KLF12: variants seen among roughly 807,000 people sequenced by gnomAD.
The protein encoded by KLF12 is KLF transcription factor 12, also known as Krueppel-like factor 12.
In KLF12, 9 loss-of-function variants were observed where a neutral mutation model predicts 37.8. The ratio of observed to expected loss-of-function variants is 0.24; its 90% CI spans 0.14 to 0.42. The LOEUF is 0.42. KLF12 is among the 10% of genes least tolerant of loss of function. The pLI, the probability that KLF12 is intolerant of heterozygous loss-of-function variation, is 1.00. For missense variants in KLF12, 411 were observed against 516.0 expected (o/e 0.80, Z 1.97); for synonymous variants, 208 against 202.1 (o/e 1.03, Z -0.25).
At chr13:74,099,933 A>T (rs1184596) in intron 1 of KLF12, among the ~76,000 whole-genome samples, 32 of 152,110 alleles carry the variant, frequency 2.1e-4, no homozygotes, top group African/African-American at 7.5e-4. Flanking sequence ...ACCATAAAAC[A>T]TTCCTGTATT....
intron 1 of KLF12, among the ~76,000 whole-genome samples, chr13:74,024,482 C>A (rs1198486982): frequency 2.6e-5 from 4 of 152,174 alleles, no homozygotes; most frequent in African/African-American, 9.7e-5. Flanking sequence ...ACACTAAGAG[C>A]CCTTAACAGT....
the KLF12 span, among the ~76,000 whole-genome samples, chr13:74,215,297 T>C: frequency 2.0e-5 from 3 of 152,066 alleles, no homozygotes; most frequent in Non-Finnish European, 4.4e-5. Context: ...CTATTAACTT[T>C]TTAATTTTAG....
intron 1 of KLF12, among the ~76,000 whole-genome samples, chr13:74,129,266 ATTG>A (rs1387106597): frequency 1.7e-4 from 26 of 152,144 alleles, no homozygotes; most frequent in African/African-American, 6.3e-4. Flanking sequence ...TATCATTTTT[ATTG>A]TTGTATTTTT....
At chr13:74,275,867 TATCTTTCTTTC>T in the KLF12 span, among the ~76,000 whole-genome samples, 283 of 79,272 alleles carry the variant, frequency 3.6e-3, 1 homozygote, top group Non-Finnish European at 4.4e-3. Flanking sequence ...TCTTTCTTTC[TATCTTTCTTTC>T]TTCTTTCTTT....
chr13:74,282,058 T>C, the KLF12 span, among the ~76,000 whole-genome samples: 1 of 152,188 alleles, frequency 6.6e-6, no homozygotes, highest in African/African-American at 2.4e-5. Flanking sequence ...GTCAGTCAAT[T>C]ACCGGAGGAG....
the KLF12 span, among the ~76,000 whole-genome samples, chr13:74,278,811 C>T: frequency 9.9e-4 from 150 of 152,244 alleles, 1 homozygote; most frequent in African/African-American, 3.3e-3. Context: ...AGTTTCAGGC[C>T]TCAGCCAAAA....
intron 4 of KLF12, among the ~76,000 whole-genome samples, chr13:73,817,493 G>GAACTAC (rs1262974412): frequency 6.6e-6 from 1 of 152,158 alleles, no homozygotes; most frequent in Non-Finnish European, 1.5e-5. Context: ...TGATGGAGAT[G>GAACTAC]AACTACAACT....
intron 1 of KLF12, among the ~76,000 whole-genome samples, chr13:74,021,955 CAT>C (rs1892851429): frequency 6.6e-6 from 1 of 152,118 alleles, no homozygotes; most frequent in Non-Finnish European, 1.5e-5. Flanking sequence ...GGTCTCAAAA[CAT>C]AGTGATGGTC....
rs200502809 is a variant in KLF12 at position 73,932,612 on chromosome 13, T to TA, written c.123+11368dup. On this transcript the variant is annotated intron_variant, in intron 3 of 7. Coordinates refer to ENST00000377669, the MANE Select transcript of KLF12 (RefSeq NM_007249.5). The stretch of plus-strand genomic sequence containing the variant: ...TCAATCTATTGATTTCAAAAATTGA[T>TA]AGACACACAGTGAAATAGAATTTTG... Among the ~76,000 whole-genome samples, 501 of 152,304 alleles carry TA rather than the reference T, an allele frequency of 3.3e-3. 3 individuals are homozygous for TA. The highest frequency in any genetic ancestry group is 0.011 in the African/African-American group (468 of 41,570).
the KLF12 span, among the ~76,000 whole-genome samples, chr13:74,146,576 C>T: frequency 6.6e-6 from 1 of 152,052 alleles, no homozygotes; most frequent in African/African-American, 2.4e-5. Context: ...AATATGTTTT[C>T]TTTTAAAAAA....
intron 1 of KLF12, among the ~76,000 whole-genome samples, chr13:74,100,492 C>T (rs1876268106): frequency 6.6e-6 from 1 of 152,066 alleles, no homozygotes; most frequent in African/African-American, 2.4e-5. Context: ...GTGGCAGGCG[C>T]CTGTAATCCC....
intron 6 of KLF12, among the ~76,000 whole-genome samples, chr13:73,745,823 G>A (rs148371059): frequency 1.9e-3 from 287 of 152,268 alleles, no homozygotes; most frequent in African/African-American, 6.1e-3. Context: ...TTGAAAGCAT[G>A]CAAGTCAAGG....
chr13:74,060,417 A>G, intron 1 of KLF12, among the ~76,000 whole-genome samples: 1 of 148,694 alleles, frequency 6.7e-6, no homozygotes, highest in Non-Finnish European at 1.5e-5. Context: ...TTCTTTCATT[A>G]GTGTTTTGTA....
chr13:74,063,866 T>C (rs1372924943), intron 1 of KLF12, among the ~76,000 whole-genome samples: 1 of 152,220 alleles, frequency 6.6e-6, no homozygotes, highest in Admixed American at 6.5e-5. Flanking sequence ...TAGAACTTTC[T>C]GATGTTCCAG....
At chr13:74,046,866 A>G (rs1347116428) in intron 1 of KLF12, among the ~76,000 whole-genome samples, 1 of 152,222 alleles carries the variant, frequency 6.6e-6, no homozygotes, top group Non-Finnish European at 1.5e-5. Flanking sequence ...ACTATACCAT[A>G]TAAGACTTAA....
the KLF12 span, among the ~76,000 whole-genome samples, chr13:74,220,058 T>C: frequency 7.2e-5 from 11 of 152,206 alleles, no homozygotes; most frequent in Non-Finnish European, 1.5e-4. Context: ...TTCTGGAAAC[T>C]TCTTGCATAA....
At chr13:74,003,463 G>C (rs1892331759) in intron 1 of KLF12, among the ~76,000 whole-genome samples, 1 of 152,156 alleles carries the variant, frequency 6.6e-6, no homozygotes, top group South Asian at 2.1e-4. Flanking sequence ...TGATATGAAA[G>C]GGGGATTCAT....
intron 2 of KLF12, among the ~76,000 whole-genome samples, chr13:73,955,119 A>T (rs1890792485): frequency 1.3e-5 from 2 of 152,168 alleles, no homozygotes; most frequent in South Asian, 4.1e-4. Flanking sequence ...GACTTCAAAG[A>T]GGCAATGTAT....
intron 3 of KLF12, 28 bp downstream of exon 3, chr13:73,943,953 T>G: frequency 7.3e-7 from 1 of 1,369,774 alleles, no homozygotes; most frequent in Non-Finnish European, 1.0e-6. Context: ...TCAAAAGGAG[T>G]GGGGCATTGC....
Sources: gnomAD v4.1 joint callset for allele counts (sites outside exome capture counted in the v4.1 genomes callset) on GRCh38, gnomAD v4.1.1 for gene constraint, MANE v1.5 for transcripts, NCBI Gene and HGNC (gene_info 2026-07-23, HGNC 2026-07-21) for gene names.